Variants in ANO2 observed in about 807,000 individuals in gnomAD.
ANO2 encodes anoctamin 2, also known as anoctamin-2.
Under a neutral mutation model 124.2 loss-of-function variants are expected in ANO2, and 101 were observed. That is an observed-to-expected ratio of 0.81 (90% CI 0.69 to 0.96). ANO2 has a LOEUF of 0.96. ANO2 is among the 40% of genes least tolerant of loss of function. The pLI is 0.00. For synonymous variants in ANO2, 486 were observed against 482.5 expected, an observed-to-expected ratio of 1.01 and a Z score of -0.09; for missense variants, 1,293 against 1,274.5, an observed-to-expected ratio of 1.01 and a Z score of -0.22.
chr12:5,582,584 A>G (rs774738097), intron 20 of ANO2, among the ~76,000 whole-genome samples: 2 of 152,238 alleles, frequency 1.3e-5, no homozygotes, highest in Non-Finnish European at 2.9e-5. Flanking sequence ...TTTTGATGGA[A>G]TACAATTCTG....
At position 5,755,386 on chromosome 12, in the gene ANO2, A is replaced by T. The variant is rs548954827; in HGVS notation, c.1056-4416T>A. Among the ~76,000 whole-genome samples, 361 of 147,764 alleles carry T rather than the reference A, an allele frequency of 2.4e-3. 1 individual carries two copies. The highest frequency in any genetic ancestry group is 8.4e-3 in the African/African-American group (339 of 40,210). ...TTTTTACATTTATTTATTTTTATTT[A>T]TTTTATTTATTTATTTATTTATTTA... On this transcript the variant is annotated intron_variant, in intron 10 of 24. Coordinates refer to ENST00000682330, the MANE Select transcript of ANO2 (RefSeq NM_001364791.2).
At chr12:5,891,461 T>C (rs1031548758) in intron 3 of ANO2, among the ~76,000 whole-genome samples, 3 of 152,056 alleles carry the variant, frequency 2.0e-5, no homozygotes, top group Admixed American at 6.5e-5. Flanking sequence ...GGAGGGTAAG[T>C]AGATTCCAAG....
intron 14 of ANO2, among the ~76,000 whole-genome samples, chr12:5,711,993 C>T (rs1260068816): frequency 6.6e-6 from 1 of 152,210 alleles, no homozygotes; most frequent in African/African-American, 2.4e-5. Context: ...TAAGGACCTA[C>T]TAACGGCCCT....
At chr12:5,794,241 T>G (rs930074788) in intron 10 of ANO2, among the ~76,000 whole-genome samples, 1 of 152,186 alleles carries the variant, frequency 6.6e-6, no homozygotes, top group Admixed American at 6.5e-5. Context: ...TGATCCCACG[T>G]GTCATCTCTC....
chr12:5,634,769 T>C (rs1945916977), intron 16 of ANO2, among the ~76,000 whole-genome samples: 2 of 152,184 alleles, frequency 1.3e-5, no homozygotes, highest in South Asian at 4.1e-4. Context: ...CTCAACTTTA[T>C]AGATGCTGCT....
intron 14 of ANO2, among the ~76,000 whole-genome samples, chr12:5,716,798 G>T (rs1950041491): frequency 6.6e-6 from 1 of 152,168 alleles, no homozygotes; most frequent in African/African-American, 2.4e-5. Flanking sequence ...CAAACTCTGG[G>T]CCATTGATGG....
chr12:5,635,121 A>G lies in ANO2; in HGVS notation c.1816+31T>C. Reference sequence around the variant, plus strand: ...GCACGCATTGACTTAAAGAGGGCCTAGGACAGCCAGAAGTCTCGGTGACAC... The same window carrying G: ...GCACGCATTGACTTAAAGAGGGCCTGGGACAGCCAGAAGTCTCGGTGACAC... On this transcript the variant is annotated intron_variant, in intron 16 of 24. Coordinates refer to ENST00000682330, the MANE Select transcript of ANO2 (RefSeq NM_001364791.2). The surrounding 1 kb of genome is among the most constrained non-coding windows in gnomAD (Gnocchi z 5.2). The G allele has an allele frequency of 2.0e-6, 3 of 1,532,522 alleles. No individual in the cohort carries two copies. Among genetic ancestry groups the G allele is most frequent in the Non-Finnish European group, 2.6e-6 (3 of 1,145,622 alleles). 94.9% of individuals were successfully genotyped at this position (1,532,522 alleles called of 1,614,324 possible).
chr12:5,604,719 C>T (rs1274482261), intron 19 of ANO2, among the ~76,000 whole-genome samples: 2 of 151,938 alleles, frequency 1.3e-5, no homozygotes, highest in East Asian at 3.9e-4. Flanking sequence ...CAGATTTCCT[C>T]CTGGATATCC....
intron 3 of ANO2, among the ~76,000 whole-genome samples, chr12:5,916,602 T>G (rs376333446): frequency 6.6e-6 from 1 of 151,572 alleles, no homozygotes; most frequent in South Asian, 2.1e-4. Flanking sequence ...AAATGTATCC[T>G]ATTAATGTAA....
rs564888155 is a variant in ANO2 at position 5,819,698 on chromosome 12, A to G, written c.892+8071T>C. Among the ~76,000 whole-genome samples, 115 of 152,352 alleles carry G rather than the reference A, an allele frequency of 7.5e-4. 1 individual carries two copies. Among genetic ancestry groups the G allele is most frequent in the African/African-American group, 2.4e-3 (99 of 41,574 alleles). On this transcript the variant is annotated intron_variant, in intron 7 of 24. Coordinates refer to ENST00000682330, the MANE Select transcript of ANO2 (RefSeq NM_001364791.2). The stretch of plus-strand genomic sequence containing the variant: ...GATATACCCTTGACCAATGCCTTGT[A>G]AAACAGATTTGTGAGGGCAGCACCT...
At chr12:5,867,142 T>G (rs1469779429) in intron 3 of ANO2, among the ~76,000 whole-genome samples, 1 of 152,218 alleles carries the variant, frequency 6.6e-6, no homozygotes, top group Non-Finnish European at 1.5e-5. Context: ...GCAGAGATCT[T>G]ACACAAAGAG....
At chr12:5,639,983 A>AGAGGAGG (rs1946247260) in intron 15 of ANO2, among the ~76,000 whole-genome samples, 1 of 152,188 alleles carries the variant, frequency 6.6e-6, no homozygotes, top group Non-Finnish European at 1.5e-5. Flanking sequence ...ACCTAGCTCT[A>AGAGGAGG]GAGGAGGGAC....
At chr12:5,607,850 C>T (rs1253124561) in intron 19 of ANO2, among the ~76,000 whole-genome samples, 1 of 152,166 alleles carries the variant, frequency 6.6e-6, no homozygotes, top group Non-Finnish European at 1.5e-5. Context: ...GAAAAATAAG[C>T]TCAGGTCTCC....
chr12:5,853,967 C>T (rs2137254491), intron 4 of ANO2, 76 bp downstream of exon 4: 4 of 1,169,928 alleles, frequency 3.4e-6, no homozygotes, highest in Non-Finnish European at 4.8e-6. Context: ...CCACATCCCA[C>T]CTGGCCCTAT....
chr12:5,610,623 T>G (rs1367464816), intron 19 of ANO2, among the ~76,000 whole-genome samples: 1 of 142,776 alleles, frequency 7.0e-6, no homozygotes, highest in African/African-American at 2.6e-5. Flanking sequence ...ATGTATATAT[T>G]TATATATATG....
Position 5,922,755 on chromosome 12 carries a change from C to A in ANO2, c.72G>T (p.Gly24=). 6.3e-7 allele frequency: 1 copy of A among 1,580,078 alleles called. No homozygotes were observed. The change falls in exon 2 of 25, where the codon GGG becomes GGT. Residue 24 remains glycine, a synonymous_variant. Transcript: ENST00000682330. ...GTTTGGGGCCCTGGCCCCCTCTGGA[C>A]CCTGCCTGAGGGCTCAGCCGGCGTG... ...GSPRRLSPQA[G]SRGGQGPKHG...
intron 10 of ANO2, among the ~76,000 whole-genome samples, chr12:5,780,979 A>G (rs563966256): frequency 1.3e-5 from 2 of 152,340 alleles, no homozygotes; most frequent in South Asian, 4.1e-4. Flanking sequence ...GGAAAATGTT[A>G]CAATGTGTAA....
rs551979698 is a variant in ANO2 at position 5,747,224 on chromosome 12, G to A, written c.1191-2907C>T. ...TAAAAAGGTTTTAAAAAGTGAGACA[G>A]AGTGAATTTCAGGCTTGATGACAAA... On this transcript the variant is annotated intron_variant, in intron 11 of 24. Transcript: ENST00000682330. Among the ~76,000 whole-genome samples the A allele has an allele frequency of 1.7e-4, 26 of 152,328 alleles. No individual in the cohort carries two copies. The South Asian group carries it at 5.4e-3, about 32-fold the overall frequency.
rs1267737584 is a variant in ANO2, at chr12:5,824,163, T to C, written c.892+3606A>G. 2.0e-5 allele frequency among the ~76,000 whole-genome samples: 3 copies of C among 152,188 alleles called. No homozygotes were observed. The East Asian group carries it at 5.8e-4, about 29-fold the overall frequency. ...TGGCCTGGAGACATTTTCCCCATGG[T>C]CTTGGGGATTAACATTAGGCTCCTT... is the stretch of plus-strand genomic sequence containing the variant. On this transcript the variant is annotated intron_variant, in intron 7 of 24. Transcript: ENST00000682330.
Sources: gnomAD v4.1 joint callset for allele counts (sites outside exome capture counted in the v4.1 genomes callset) on GRCh38, gnomAD v4.1.1 for gene constraint, Gnocchi (gnomAD v3.1) non-coding constraint, MANE v1.5 for transcripts, NCBI Gene and HGNC (gene_info 2026-07-23, HGNC 2026-07-21) for gene names.